Variants in OR51B5 observed in about 807,000 individuals in gnomAD.
OR51B5 encodes the protein olfactory receptor 51B5.
For synonymous variants in OR51B5, 186 were observed against 144.8 expected (o/e 1.28, Z -2.04); for missense variants, 456 against 374.6 (o/e 1.22, Z -1.79).
intron 1 of OR51B5, among the ~76,000 whole-genome samples, chr11:5,496,144 G>A (rs1331211661): frequency 6.7e-6 from 1 of 148,730 alleles, no homozygotes; most frequent in African/African-American, 2.5e-5. Flanking sequence ...TCTTGCTTGT[G>A]TAGTCCACGT....
intron 1 of OR51B5, among the ~76,000 whole-genome samples, chr11:5,491,155 G>A (rs1851575431): frequency 6.6e-6 from 1 of 152,112 alleles, no homozygotes; most frequent in African/African-American, 2.4e-5. Flanking sequence ...TAATGTGTAG[G>A]GTAATGAAAA....
At chr11:5,462,272 C>A (rs919577944) in intron 1 of OR51B5, among the ~76,000 whole-genome samples, 7 of 152,072 alleles carry the variant, frequency 4.6e-5, no homozygotes, top group Non-Finnish European at 8.8e-5. Flanking sequence ...GCAAGACCAA[C>A]AGAAGGGTTA....
intron 1 of OR51B5, among the ~76,000 whole-genome samples, chr11:5,384,819 C>T (rs757223527): frequency 2.6e-5 from 4 of 152,196 alleles, no homozygotes; most frequent in Non-Finnish European, 5.9e-5. Flanking sequence ...AGGATATGGC[C>T]TTCGCCTTCC....
intron 1 of OR51B5, chr11:5,422,521 T>C (rs1850359462): frequency 6.8e-6 from 11 of 1,614,108 alleles, no homozygotes; most frequent in African/African-American, 1.3e-5. Context: ...TCTTCCTTCA[T>C]GGATTCTCCT....
intron 1 of OR51B5, among the ~76,000 whole-genome samples, chr11:5,375,992 A>C (rs1362093363): frequency 6.6e-6 from 1 of 151,510 alleles, no homozygotes; most frequent in Non-Finnish European, 1.5e-5. Context: ...CTCCACCCCA[A>C]ATCAACAGAA....
exon 1 of OR51B5, chr11:5,343,257 T>G (rs755277681): frequency 6.2e-7 from 1 of 1,613,350 alleles, no homozygotes; most frequent in Non-Finnish European, 8.5e-7. Flanking sequence ...GCACTTCCAA[T>G]CTCCCTGTGA....
intron 1 of OR51B5, among the ~76,000 whole-genome samples, chr11:5,363,848 T>G (rs1387460942): frequency 6.6e-6 from 1 of 152,182 alleles, no homozygotes; most frequent in Admixed American, 6.5e-5. Context: ...CCATAGCAAT[T>G]ATGTTCCCTA....
chr11:5,495,118 T>C (rs1331901354), intron 1 of OR51B5, among the ~76,000 whole-genome samples: 1 of 152,150 alleles, frequency 6.6e-6, no homozygotes, highest in Non-Finnish European at 1.5e-5. Context: ...GGAGTCCAGA[T>C]GAGAGGTTCT....
At chr11:5,355,996 C>G (rs1400109563) in intron 1 of OR51B5, among the ~76,000 whole-genome samples, 1 of 148,562 alleles carries the variant, frequency 6.7e-6, no homozygotes, top group Non-Finnish European at 1.5e-5. Context: ...TCATCAAAGA[C>G]CAAAGGTAGA....
At chr11:5,363,098 A>G (rs1384259832) in intron 1 of OR51B5, among the ~76,000 whole-genome samples, 1 of 152,112 alleles carries the variant, frequency 6.6e-6, no homozygotes, top group Non-Finnish European at 1.5e-5. Context: ...GCATTCCTCC[A>G]TGAGAGAAAG....
At chr11:5,474,648 T>C (rs1044621301) in intron 1 of OR51B5, among the ~76,000 whole-genome samples, 4 of 152,190 alleles carry the variant, frequency 2.6e-5, no homozygotes, top group African/African-American at 9.6e-5. Flanking sequence ...ACTATTCAAG[T>C]TGACAAGATA....
chr11:5,387,518 A>C (rs759905255), intron 1 of OR51B5, among the ~76,000 whole-genome samples: 2 of 152,172 alleles, frequency 1.3e-5, no homozygotes, highest in African/African-American at 2.4e-5. Context: ...TCTGCTCTCA[A>C]CTCGAAGCTC....
At chr11:5,411,560 C>T (rs1001891030) in intron 1 of OR51B5, among the ~76,000 whole-genome samples, 1 of 152,164 alleles carries the variant, frequency 6.6e-6, no homozygotes, top group African/African-American at 2.4e-5. Context: ...TTAAAAGGAA[C>T]ATAATTGTGG....
At chr11:5,504,027 T>C (rs1363042876) in intron 1 of OR51B5, among the ~76,000 whole-genome samples, 3 of 152,130 alleles carry the variant, frequency 2.0e-5, no homozygotes. Flanking sequence ...TAAAGGACTA[T>C]TGTGTGGAAT....
chr11:5,422,800 T>C (rs1274948471), intron 1 of OR51B5: 1 of 1,614,210 alleles, frequency 6.2e-7, no homozygotes, highest in South Asian at 1.1e-5. Flanking sequence ...ACAGCTGGTA[T>C]GGATTTGCTC....
At chr11:5,373,772 G>A (rs959409500) in intron 1 of OR51B5, among the ~76,000 whole-genome samples, 30 of 152,176 alleles carry the variant, frequency 2.0e-4, no homozygotes, top group Non-Finnish European at 3.7e-4. Context: ...CAGCGAGGCT[G>A]GGGGAGGGGC....
downstream of OR51B5, among the ~76,000 whole-genome samples, chr11:5,342,008 T>C (rs1239105143): frequency 6.6e-6 from 1 of 152,286 alleles, no homozygotes; most frequent in Non-Finnish European, 1.5e-5. Context: ...TCATTATAAT[T>C]TGATGGAGGG....
In OR51B5 at chr11:5,352,349, T is replaced by C. The variant is rs778471424; in HGVS notation, n.85-5439A>G. On this transcript the variant is annotated intron_variant and non_coding_transcript_variant, in intron 1 of 4. Transcript: ENST00000415970. ...ACAATGAGCTACATCCACTTCCTTTTCCCACCTTTTATGAACCCATTTATC... is the reference window on the plus strand; with the variant it reads ...ACAATGAGCTACATCCACTTCCTTTCCCCACCTTTTATGAACCCATTTATC... 30 of 1,613,964 alleles carry C rather than the reference T, an allele frequency of 1.9e-5. 1 individual carries two copies. The South Asian group carries it at 3.1e-4, about 17-fold the overall frequency.
At chr11:5,483,682 A>AT (rs143126081) in intron 1 of OR51B5, among the ~76,000 whole-genome samples, 11,755 of 151,896 alleles carry the variant, frequency 0.077, 858 homozygotes, top group East Asian at 0.35. Flanking sequence ...TCCCTTGCTC[A>AT]TTTTTTTCTC....
Sources: gnomAD v4.1 joint callset for allele counts (sites outside exome capture counted in the v4.1 genomes callset) on GRCh38, gnomAD v4.1.1 for gene constraint, MANE v1.5 for transcripts, NCBI Gene and HGNC (gene_info 2026-07-23, HGNC 2026-07-21) for gene names.